The following ZNF674 variants were observed in gnomAD, a reference collection of about 807,000 sequenced individuals.
The protein encoded by ZNF674 is zinc finger family member 674.
A neutral mutation model predicts 7.0 loss-of-function variants in ZNF674; 2 were observed. That is an observed-to-expected ratio of 0.29 (90% confidence interval 0.12 to 0.90). The LOEUF (loss-of-function observed/expected upper bound fraction) is 0.90. ZNF674 is among the 40% of genes least tolerant of loss of function. ZNF674 has a pLI of 0.57. For missense variants in ZNF674, 297 were observed against 415.5 expected, an observed-to-expected ratio of 0.71 and a Z score of 2.48; for synonymous variants, 103 against 145.2, an observed-to-expected ratio of 0.71 and a Z score of 2.09.
chrX:46,514,968 T>C (rs1298634075), intron 5 of ZNF674, among the ~76,000 whole-genome samples: 2 of 112,332 alleles, frequency 1.8e-5, no homozygotes, highest in East Asian at 5.5e-4. Flanking sequence ...ACTTTAAAAC[T>C]AAAATAAGAC....
At chrX:46,512,950 C>G (rs1487889398) in intron 5 of ZNF674, among the ~76,000 whole-genome samples, 1 of 111,000 alleles carries the variant, frequency 9.0e-6, no homozygotes, top group African/African-American at 3.3e-5. Context: ...GAGACAAACT[C>G]AACAAAAACA....
At chrX:46,504,601 G>A (rs1011078546) in intron 5 of ZNF674, among the ~76,000 whole-genome samples, 9 of 110,932 alleles carry the variant, frequency 8.1e-5, no homozygotes, top group Non-Finnish European at 1.7e-4. Context: ...CCTCGGCCCC[G>A]CAAAGTGCTG....
chrX:46,504,597 C>T (rs1286174715), intron 5 of ZNF674, among the ~76,000 whole-genome samples: 1 of 111,509 alleles, frequency 9.0e-6, no homozygotes, highest in Non-Finnish European at 1.9e-5. Context: ...CCCGCCTCGG[C>T]CCCGCAAAGT....
rs749707063 is a variant in ZNF674 at position 46,499,863 on chromosome X, T to C, written c.1711A>G (p.Thr571Ala). ...STLIKHQRSH[T>A]GDKNL ...TATAATCATAGGTTTTTATCTCCTG[T>C]GTGACTTCTCTGATGTTTAATGAGA... is the stretch of plus-strand genomic sequence containing the variant. Residue 571 changes from threonine (T) to alanine (A), a missense_variant, in exon 6 of 6, where the codon ACA (threonine) becomes GCA (alanine). Coordinates refer to ENST00000683375, the MANE Select transcript of ZNF674 (RefSeq NM_001190417.2). 1.8e-6 allele frequency: 2 copies of C among 1,142,085 alleles called. No individual in the cohort carries two copies. The highest frequency in any genetic ancestry group is 1.8e-5 in the African/African-American group (1 of 55,422). The allele number at this position is 1,142,085 out of a possible 1,213,427, so 94.1% of individuals were successfully genotyped here. A position where few individuals can be genotyped will look rare whatever the true frequency, so the allele number is the denominator to read the frequency against.
At chrX:46,512,139 T>A (rs1433296241) in intron 5 of ZNF674, among the ~76,000 whole-genome samples, 2 of 110,971 alleles carry the variant, frequency 1.8e-5, no homozygotes, top group Non-Finnish European at 3.8e-5. Flanking sequence ...GGCGGGAGGA[T>A]CACCTGAGGT....
Position 46,528,843 on chromosome X carries a change from C to A in ZNF674, c.82G>T (p.Ala28Ser). The A allele has an allele frequency of 8.3e-7, 1 of 1,211,795 alleles. No individual in the cohort carries two copies. Reference protein sequence around the residue: ...TLEEWQQLDSAQKNLYRDVML... With the variant: ...TLEEWQQLDSSQKNLYRDVML... The stretch of plus-strand genomic sequence containing the variant: ...ACATCCCTGTAGAGGTTCTTCTGGG[C>A]AGAGTCCAGTTGCTGCCACTCCTCC... Residue 28 changes from alanine (A) to serine (S), a missense_variant, in exon 4 of 6, where the codon GCC (alanine) becomes TCC (serine). Ala to Ser is a moderately conservative substitution (Grantham distance 99). Transcript: ENST00000683375.
At chrX:46,527,815 G>A (rs1942035466) in intron 5 of ZNF674, 1 of 123,734 alleles carries the variant, frequency 8.1e-6, no homozygotes, top group South Asian at 2.8e-4. Context: ...GTACCAGGCT[G>A]GGTAGAGTAA....
chrX:46,535,279 T>C (rs1282609638), intron 3 of ZNF674, among the ~76,000 whole-genome samples: 1 of 110,712 alleles, frequency 9.0e-6, no homozygotes, highest in Admixed American at 9.8e-5. Context: ...CCCTCGTAGC[T>C]GGAACTATAG....
At position 46,498,756 on chromosome X, in the gene ZNF674, T is replaced by TGTGGTG. The variant is rs1194641799; in HGVS notation, c.*1081_*1086dup. On this transcript the variant is annotated 3_prime_UTR_variant, in exon 6 of 6. Transcript: ENST00000683375. Reference sequence around the variant, plus strand: ...AAAAAAAAAAAAAGAATTAGCCGGGTGTGGTGGTGGGTGCCTGTAATCCCA... The same window carrying TGTGGTG: ...AAAAAAAAAAAAAGAATTAGCCGGGTGTGGTGGTGGTGGTGGGTGCCTGTAATCCCA... The TGTGGTG allele has an allele frequency of 1.1e-5, 1 of 88,304 alleles. No homozygotes were observed. Among genetic ancestry groups the TGTGGTG allele is most frequent in the African/African-American group, 4.3e-5 (1 of 23,081 alleles). The allele number at this position is 88,304 out of a possible 1,213,427, so 7.3% of individuals were successfully genotyped here.
At chrX:46,510,698 G>C (rs1298441492) in intron 5 of ZNF674, among the ~76,000 whole-genome samples, 1 of 112,348 alleles carries the variant, frequency 8.9e-6, no homozygotes, top group Non-Finnish European at 1.9e-5. Context: ...GGCTGAGGCA[G>C]GAGAATTGCT....
intron 5 of ZNF674, among the ~76,000 whole-genome samples, chrX:46,518,890 C>CAAAA (rs1556015091): frequency 3.0e-5 from 3 of 99,418 alleles, no homozygotes; most frequent in African/African-American, 1.1e-4. Context: ...GACTCCGTCT[C>CAAAA]TAAATAAATA....
intron 5 of ZNF674, among the ~76,000 whole-genome samples, chrX:46,511,787 G>A (rs1190268400): frequency 8.9e-6 from 1 of 111,970 alleles, no homozygotes; most frequent in Non-Finnish European, 1.9e-5. Flanking sequence ...ACTTTGGGAG[G>A]CCGAGGCAGG....
chrX:46,520,438 G>T (rs1256172896), intron 5 of ZNF674, among the ~76,000 whole-genome samples: 1 of 110,748 alleles, frequency 9.0e-6, no homozygotes, highest in Non-Finnish European at 1.9e-5. Context: ...TGACATGAGG[G>T]ATCCTTGCAG....
chrX:46,518,890 CTAAA>C (rs200920300), intron 5 of ZNF674, among the ~76,000 whole-genome samples: 6 of 99,401 alleles, frequency 6.0e-5, no homozygotes, highest in Non-Finnish European at 8.2e-5. Context: ...GACTCCGTCT[CTAAA>C]TAAATAAATA....
At chrX:46,521,462 C>T (rs1054542421) in intron 5 of ZNF674, among the ~76,000 whole-genome samples, 2 of 110,242 alleles carry the variant, frequency 1.8e-5, no homozygotes, top group Admixed American at 2.0e-4. Context: ...CCTGTAGTAC[C>T]AGCTACTCAG....
intron 5 of ZNF674, among the ~76,000 whole-genome samples, chrX:46,520,499 G>A (rs1275675057): frequency 9.0e-6 from 1 of 111,485 alleles, no homozygotes. Context: ...ATCCTGGTTG[G>A]GATACTGTAC....
chrX:46,513,364 T>C (rs1941700891), intron 5 of ZNF674, among the ~76,000 whole-genome samples: 1 of 112,759 alleles, frequency 8.9e-6, no homozygotes, highest in South Asian at 3.6e-4. Flanking sequence ...ATACTTTCAA[T>C]AGTAATCAGG....
chrX:46,514,513 C>T (rs1291198204), intron 5 of ZNF674, among the ~76,000 whole-genome samples: 1 of 111,038 alleles, frequency 9.0e-6, no homozygotes, highest in Non-Finnish European at 1.9e-5. Context: ...GAAGGTACAC[C>T]ATGGGGCCCG....
chrX:46,500,572 A>C lies in ZNF674; in HGVS notation c.1002T>G (p.Ile334Met), dbSNP rs374577863. 24 of 1,209,735 alleles carry C rather than the reference A, an allele frequency of 2.0e-5. No individual in the cohort carries two copies. In the African/African-American group the frequency reaches 2.8e-4, roughly 14 times the overall value. The change falls in exon 6 of 6, where the codon ATT becomes ATG. Residue 334 changes from isoleucine (I) to methionine (M), a missense_variant. Coordinates refer to ENST00000683375, the MANE Select transcript of ZNF674 (RefSeq NM_001190417.2). ...ATATAAGGCTGGACGTAGTACATTTAATACCTTTATAAAATGCTTGTCTAA... is the reference window on the plus strand; with the variant it reads ...ATATAAGGCTGGACGTAGTACATTTCATACCTTTATAAAATGCTTGTCTAA... ...THIRQAFYKG[I>M]KCTTSSLIYQ...
Sources: allele counts gnomAD v4.1 joint callset (sites outside exome capture counted in the v4.1 genomes callset), GRCh38; gene constraint gnomAD v4.1.1; transcripts MANE v1.5; gene names NCBI Gene and HGNC (gene_info 2026-07-23, HGNC 2026-07-21).